GPER1: variants seen among roughly 807,000 people sequenced by gnomAD.
GPER1 encodes the protein G protein-coupled receptor 30.
In GPER1, 2 loss-of-function variants were observed where a neutral mutation model predicts 0.6. The observed-to-expected ratio is 3.41, with a 90% CI of 1.39 to 10.72. The LOEUF (loss-of-function observed/expected upper bound fraction) is 10.72, where lower values mean the gene tolerates loss of function less well. GPER1 is among the 30% of genes most tolerant of loss of function. The pLI, the probability that GPER1 is intolerant of heterozygous loss-of-function variation, is 0.04. For missense variants in GPER1, 441 were observed against 535.2 expected, an observed-to-expected ratio of 0.82 and a Z score of 1.74; for synonymous variants, 263 against 247.6, an observed-to-expected ratio of 1.06 and a Z score of -0.58.
In GPER1 at chr7:1,093,326, T is replaced by A. The variant is rs1046402505; in HGVS notation, c.*470T>A. ...ATGCAAGGTGCTGGTGGGTCTGAGC[T>A]GGACGTCGCGGTGTGTCCTCTGTGC... On this transcript the variant is annotated 3_prime_UTR_variant, in exon 2 of 2. Transcript: ENST00000397088. The A allele has an allele frequency of 4.7e-6, 2 of 423,354 alleles. No individual in the cohort carries two copies. Among genetic ancestry groups the A allele is most frequent in the African/African-American group, 2.0e-5 (1 of 49,192 alleles). 26.2% of individuals were successfully genotyped at this position (423,354 alleles called of 1,614,324 possible). A position where few individuals can be genotyped will look rare whatever the true frequency, so the allele number is the denominator to read the frequency against.
rs902152081 is a variant in GPER1, at chr7:1,093,718, C to G, written c.*862C>G. 2 of 465,396 alleles carry G rather than the reference C, an allele frequency of 4.3e-6. No homozygotes were observed. Among genetic ancestry groups the G allele is most frequent in the African/African-American group, 4.0e-5 (2 of 49,972 alleles). The allele number at this position is 465,396 out of a possible 1,614,324, so 28.8% of individuals were successfully genotyped here. A position where few individuals can be genotyped will look rare whatever the true frequency, so the allele number is the denominator to read the frequency against. On this transcript the variant is annotated 3_prime_UTR_variant, in exon 2 of 2. Coordinates refer to ENST00000397088, the MANE Select transcript of GPER1 (RefSeq NM_001098201.3). ...CAGAAATAACAGCTGGGGACAACTG[C>G]GGTGATGATGTAAAAACCTTCCCAT... is the stretch of plus-strand genomic sequence containing the variant.
Position 1,091,635 on chromosome 7 carries a change from G to T in GPER1, c.-94G>T. ...TGACAAATGCCAGGCTCACTTCAAG[G>T]AGAATCACGCTTCTTTCTAAAGATG... On this transcript the variant is annotated 5_prime_UTR_variant, in exon 2 of 2. Coordinates refer to ENST00000397088, the MANE Select transcript of GPER1 (RefSeq NM_001098201.3). 1.0e-6 allele frequency: 1 copy of T among 971,716 alleles called. No homozygotes were observed. Among genetic ancestry groups the T allele is most frequent in the Non-Finnish European group, 1.6e-6 (1 of 641,164 alleles). The allele number at this position is 971,716 out of a possible 1,614,324, so 60.2% of individuals were successfully genotyped here. A position where few individuals can be genotyped will look rare whatever the true frequency, so the allele number is the denominator to read the frequency against.
chr7:1,092,592 G>A lies in GPER1; in HGVS notation c.864G>A (p.Gln288=). 6.2e-7 allele frequency: 1 copy of A among 1,611,452 alleles called. No homozygotes were observed. Among genetic ancestry groups the A allele is most frequent in the Non-Finnish European group, 8.5e-7 (1 of 1,180,014 alleles). The part of the protein sequence containing the change: ...FISVHLLQRT[Q]PGAAPCKQSF... ...GCGTGCACCTCCTGCAGCGGACGCAGCCTGGGGCCGCTCCCTGCAAGCAGT... is the reference window on the plus strand; with the variant it reads ...GCGTGCACCTCCTGCAGCGGACGCAACCTGGGGCCGCTCCCTGCAAGCAGT... The change falls in exon 2 of 2, where the codon CAG becomes CAA. Residue 288 remains glutamine (Q), a synonymous_variant. Transcript: ENST00000397088.
chr7:1,090,000 C>T (rs1204451594), intron 1 of GPER1, among the ~76,000 whole-genome samples: 1 of 151,888 alleles, frequency 6.6e-6, no homozygotes, highest in Non-Finnish European at 1.5e-5. Context: ...AGGAGAACCA[C>T]TCTAACCCGG....
rs776892613 is a variant in GPER1 at position 1,093,466 on chromosome 7, C to T, written c.*610C>T. On this transcript the variant is annotated 3_prime_UTR_variant, in exon 2 of 2. Coordinates refer to ENST00000397088, the MANE Select transcript of GPER1 (RefSeq NM_001098201.3). The stretch of plus-strand genomic sequence containing the variant: ...CCAGGATGGCAGCAATGGCGCTGTG[C>T]GGCCTCACCAGGCCCACGAGGAGCA... The T allele has an allele frequency of 6.4e-6, 3 of 468,372 alleles. No homozygotes were observed. The highest frequency in any genetic ancestry group is 2.3e-5 in the Admixed American group (1 of 42,554). The allele number at this position is 468,372 out of a possible 1,614,324, so 29.0% of individuals were successfully genotyped here.
At chr7:1,087,174 T>C (rs1787465387), upstream of GPER1, 1 of 152,210 alleles carries the variant, frequency 6.6e-6, no homozygotes, top group African/African-American at 2.4e-5. Context: ...TGCACGAGAC[T>C]GTGAAATCCG....
In GPER1 at chr7:1,093,180, G is replaced by A. The variant is rs1788199723; in HGVS notation, c.*324G>A. On this transcript the variant is annotated 3_prime_UTR_variant, in exon 2 of 2. Coordinates refer to ENST00000397088, the MANE Select transcript of GPER1 (RefSeq NM_001098201.3). ...GCCGCTGCACCTGCCTGCCGCTGCA[G>A]GAAACATTTCTGACACCGTCGACCA... 2 of 556,422 alleles carry A rather than the reference G, an allele frequency of 3.6e-6. No homozygotes were observed. Among genetic ancestry groups the A allele is most frequent in the Non-Finnish European group, 7.1e-6 (2 of 282,856 alleles). The allele number at this position is 556,422 out of a possible 1,614,324, so 34.5% of individuals were successfully genotyped here.
At chr7:1,091,120 ATAAAGGGAAAAACACCCC>A (rs1476391535) in intron 1 of GPER1, among the ~76,000 whole-genome samples, 1 of 152,164 alleles carries the variant, frequency 6.6e-6, no homozygotes, top group Non-Finnish European at 1.5e-5. Flanking sequence ...CTCTGTGGCT[ATAAAGGGAAAAACACCCC>A]TGCCTGTGGG....
At position 1,091,873 on chromosome 7, in the gene GPER1, C is replaced by T; in HGVS notation, c.145C>T (p.Leu49Phe). 5.6e-6 allele frequency: 9 copies of T among 1,613,744 alleles called. No homozygotes were observed. Among genetic ancestry groups the T allele is most frequent in the Non-Finnish European group, 7.6e-6 (9 of 1,179,746 alleles). The change falls in exon 2 of 2, where the codon CTC becomes TTC. Residue 49 changes from leucine (L) to phenylalanine (F), a missense_variant. Leu to Phe is a conservative substitution (Grantham distance 22). Transcript: ENST00000397088. ...CGCCCTGGCCAATGGGACAGGTGAG[C>T]TCTCGGAGCACCAGCAGTACGTGAT... is the stretch of plus-strand genomic sequence containing the variant. ...GTALANGTGE[L>F]SEHQQYVIGL...
intron 1 of GPER1, among the ~76,000 whole-genome samples, chr7:1,089,839 G>A (rs1257474933): frequency 6.6e-6 from 1 of 151,282 alleles, no homozygotes; most frequent in African/African-American, 2.4e-5. Context: ...TCCCAGCACC[G>A]TGGGAGGCCA....
chr7:1,090,963 T>C lies in GPER1; in HGVS notation c.-322-444T>C, dbSNP rs148225364. Among the ~76,000 whole-genome samples, 670 of 143,176 alleles carry C rather than the reference T, an allele frequency of 4.7e-3. 5 individuals are homozygous for C. Among genetic ancestry groups the C allele is most frequent in the African/African-American group, 0.017 (630 of 36,898 alleles). The allele number at this position is 143,176 out of a possible 152,430, so 93.9% of individuals were successfully genotyped here. A position where few individuals can be genotyped will look rare whatever the true frequency, so the allele number is the denominator to read the frequency against. Reference sequence around the variant, plus strand: ...GATTCTGCTCTGATGTCCAGCTTTCTGGACCCACTCTCTCTCTCTCAGAAA... The same window carrying C: ...GATTCTGCTCTGATGTCCAGCTTTCCGGACCCACTCTCTCTCTCTCAGAAA... On this transcript the variant is annotated intron_variant, in intron 1 of 1. Transcript: ENST00000397088.
At position 1,092,488 on chromosome 7, in the gene GPER1, C is replaced by T. The variant is rs563630174; in HGVS notation, c.760C>T (p.Arg254Trp). The T allele has an allele frequency of 3.7e-6, 6 of 1,607,404 alleles. No homozygotes were observed. The highest frequency in any genetic ancestry group is 1.1e-5 in the South Asian group (1 of 91,044). The stretch of plus-strand genomic sequence containing the variant: ...CCGGCACCGTGGGCTGCGGCCCCGG[C>T]GGCAGAAGGCGCTCCGCATGATCCT... ...AHRHRGLRPR[R>W]QKALRMILAV... is the part of the protein sequence containing the mutation. Residue 254 changes from arginine to tryptophan, a missense_variant, in exon 2 of 2, where the codon CGG becomes TGG. Arg to Trp is a moderately radical substitution (Grantham distance 101). Transcript: ENST00000397088.
Position 1,091,815 on chromosome 7 carries a change from C to T in GPER1, c.87C>T (p.Pro29=), listed in dbSNP as rs199734759. 124 of 1,597,346 alleles carry T rather than the reference C, an allele frequency of 7.8e-5. No homozygotes were observed. Among genetic ancestry groups the T allele is most frequent in the African/African-American group, 2.4e-4 (18 of 74,804 alleles). Residue 29 remains proline (P), a synonymous_variant, in exon 2 of 2, where the codon CCC becomes CCT. Transcript: ENST00000397088. ...AQPAAPNTTS[P]ELNLSHPLLG... ...CTGCGGCCCCCAACACCACCTCCCC[C>T]GAGCTCAACCTGTCCCACCCGCTCC...
At position 1,092,718 on chromosome 7, in the gene GPER1, C is replaced by T. The variant is rs936507527; in HGVS notation, c.990C>T (p.Thr330=). 6.8e-6 allele frequency: 11 copies of T among 1,613,450 alleles called. No homozygotes were observed. The highest frequency in any genetic ancestry group is 7.6e-6 in the Non-Finnish European group (9 of 1,180,032). ...NPLIYSFLGE[T]FRDKLRLYIE... is the part of the protein sequence containing the mutation. ...TCATCTACAGCTTTCTCGGGGAGAC[C>T]TTCAGGGACAAGCTGAGGCTGTACA... Residue 330 remains threonine, a synonymous_variant, in exon 2 of 2, where the codon ACC becomes ACT. Transcript: ENST00000397088.
intron 1 of GPER1, among the ~76,000 whole-genome samples, chr7:1,089,467 C>T (rs1012036851): frequency 1.0e-4 from 2 of 19,530 alleles, no homozygotes; most frequent in East Asian, 5.4e-4. Flanking sequence ...GGCTGAGGCT[C>T]GAGTGCAGTG....
intron 1 of GPER1, among the ~76,000 whole-genome samples, chr7:1,090,833 A>C (rs540456894): frequency 6.6e-6 from 1 of 152,350 alleles, no homozygotes; most frequent in South Asian, 2.1e-4. Context: ...TTCCCAAAAC[A>C]ATGACCCCTT....
chr7:1,093,493 C>T lies in GPER1; in HGVS notation c.*637C>T. The T allele has an allele frequency of 2.1e-6, 1 of 470,406 alleles. No homozygotes were observed. The highest frequency in any genetic ancestry group is 1.5e-5 in the South Asian group (1 of 64,564). The allele number at this position is 470,406 out of a possible 1,614,324, so 29.1% of individuals were successfully genotyped here. ...GCCTCACCAGGCCCACGAGGAGCAG[C>T]AGCGCTCGGCCCGGAGCAGCAGGAA... On this transcript the variant is annotated 3_prime_UTR_variant, in exon 2 of 2. Transcript: ENST00000397088.
Position 1,093,599 on chromosome 7 carries a change from A to C in GPER1, c.*743A>C, listed in dbSNP as rs1788264547. 1 of 471,040 alleles carries C rather than the reference A, an allele frequency of 2.1e-6. No individual in the cohort carries two copies. The highest frequency in any genetic ancestry group is 4.4e-6 in the Non-Finnish European group (1 of 227,066). 29.2% of individuals were successfully genotyped at this position (471,040 alleles called of 1,614,324 possible). ...TGACATCAACATGGCAATTGCACTCATGTGGACTGGGACCGTGCGAGCTGC... is the reference window on the plus strand; with the variant it reads ...TGACATCAACATGGCAATTGCACTCCTGTGGACTGGGACCGTGCGAGCTGC... On this transcript the variant is annotated 3_prime_UTR_variant, in exon 2 of 2. Transcript: ENST00000397088.
chr7:1,090,284 G>A (rs1787823428), intron 1 of GPER1, among the ~76,000 whole-genome samples: 1 of 152,200 alleles, frequency 6.6e-6, no homozygotes, highest in Non-Finnish European at 1.5e-5. Context: ...ACCCCCCTGT[G>A]ACTGCCCCCG....
Sources: gnomAD v4.1 joint callset for allele counts (sites outside exome capture counted in the v4.1 genomes callset) on GRCh38, gnomAD v4.1.1 for gene constraint, MANE v1.5 for transcripts, NCBI Gene and HGNC (gene_info 2026-07-23, HGNC 2026-07-21) for gene names.